Variants in METAP1D observed in about 807,000 individuals in gnomAD.
METAP1D encodes methionine aminopeptidase 1D, mitochondrial.
A neutral mutation model predicts 40.5 loss-of-function variants in METAP1D; 31 were observed. The ratio of observed to expected loss-of-function variants is 0.77; its 90% CI spans 0.58 to 1.03. METAP1D has a LOEUF of 1.03. Ranked by LOEUF, METAP1D falls within the 50% of genes least tolerant of loss-of-function variation. METAP1D has a pLI of 0.00. For missense variants in METAP1D, 411 were observed against 420.7 expected, an observed-to-expected ratio of 0.98 and a Z score of 0.20; for synonymous variants, 151 against 146.4, an observed-to-expected ratio of 1.03 and a Z score of -0.22.
At chr2:172,075,209 A>G (rs758439857) in intron 6 of METAP1D, among the ~76,000 whole-genome samples, 5 of 152,230 alleles carry the variant, frequency 3.3e-5, no homozygotes, top group Non-Finnish European at 5.9e-5. Flanking sequence ...ATTCCATATA[A>G]AAGGCCTCAA....
chr2:172,037,072 C>A (rs1013003373), intron 1 of METAP1D, among the ~76,000 whole-genome samples: 1 of 152,070 alleles, frequency 6.6e-6, no homozygotes. Context: ...CCAGCCTGAC[C>A]AACATGGAGA....
At chr2:172,029,387 C>T (rs757579056) in intron 1 of METAP1D, among the ~76,000 whole-genome samples, 1 of 152,236 alleles carries the variant, frequency 6.6e-6, no homozygotes, top group Non-Finnish European at 1.5e-5. Flanking sequence ...CACACCACTG[C>T]ACTCCAGCAT....
rs1423385508 is a variant in METAP1D, at chr2:172,082,400, T to C, written c.*1994T>C. ...TGGAGGTATTTATGGGACAAGTTTA[T>C]AATTCCATTTATTAAAGGGACTAAC... On this transcript the variant is annotated 3_prime_UTR_variant, in exon 10 of 10. Transcript: ENST00000315796. 1.3e-5 allele frequency: 2 copies of C among 152,288 alleles called. No homozygotes were observed. The highest frequency in any genetic ancestry group is 2.9e-5 in the Non-Finnish European group (2 of 68,070). 9.4% of individuals were successfully genotyped at this position (152,288 alleles called of 1,614,324 possible). A position where few individuals can be genotyped will look rare whatever the true frequency, so the allele number is the denominator to read the frequency against.
At chr2:172,076,737 A>G (rs1690555409) in intron 6 of METAP1D, among the ~76,000 whole-genome samples, 1 of 152,268 alleles carries the variant, frequency 6.6e-6, no homozygotes, top group South Asian at 2.1e-4. Flanking sequence ...CTGTGGGTTC[A>G]TGTTAAACTA....
Position 172,061,523 on chromosome 2 carries a change from A to G in METAP1D, c.66A>G (p.Pro22=). ...GTTCTCATAGAATTTTCTCTTCACC[A>G]CTCAATCATATCTACTTACACAAGC... The part of the protein sequence containing the change: ...RRGSHRIFSS[P]LNHIYLHKQS... Residue 22 remains proline, a synonymous_variant, in exon 2 of 10, where the codon CCA becomes CCG. Transcript: ENST00000315796. 1.2e-6 allele frequency: 2 copies of G among 1,612,740 alleles called. No homozygotes were observed. Among genetic ancestry groups the G allele is most frequent in the Non-Finnish European group, 8.5e-7 (1 of 1,179,646 alleles).
rs1465056245 is a variant in METAP1D, at chr2:172,082,055, A to C, written c.*1649A>C. ...ACTGGAAAAGACCAAGGAGGGGTTG[A>C]TGATTTACAAGGTCCATAGAAAAAC... On this transcript the variant is annotated 3_prime_UTR_variant, in exon 10 of 10. Coordinates refer to ENST00000315796, the MANE Select transcript of METAP1D (RefSeq NM_199227.3). The C allele has an allele frequency of 6.6e-6, 1 of 152,268 alleles. No individual in the cohort carries two copies. Among genetic ancestry groups the C allele is most frequent in the Non-Finnish European group, 1.5e-5 (1 of 68,122 alleles). The allele number at this position is 152,268 out of a possible 1,614,324, so 9.4% of individuals were successfully genotyped here.
At position 172,080,616 on chromosome 2, in the gene METAP1D, C is replaced by A; in HGVS notation, c.*210C>A. On this transcript the variant is annotated 3_prime_UTR_variant, in exon 10 of 10. Coordinates refer to ENST00000315796, the MANE Select transcript of METAP1D (RefSeq NM_199227.3). ...CTGGGGTCGCGCGGCTTTGGAAAAA[C>A]AAATCCTGGCCCTGGACTCGGTTTC... is the stretch of plus-strand genomic sequence containing the variant. 4.9e-6 allele frequency: 3 copies of A among 614,034 alleles called. No homozygotes were observed. The highest frequency in any genetic ancestry group is 2.7e-5 in the East Asian group (1 of 36,422). The allele number at this position is 614,034 out of a possible 1,614,324, so 38.0% of individuals were successfully genotyped here.
chr2:172,007,124 T>A (rs1449270384), intron 1 of METAP1D, among the ~76,000 whole-genome samples: 3 of 148,618 alleles, frequency 2.0e-5, no homozygotes, highest in African/African-American at 5.1e-5. Context: ...TTTTTTTTTT[T>A]ATTGTACATT....
At chr2:172,023,857 C>CT (rs11355201) in intron 1 of METAP1D, among the ~76,000 whole-genome samples, 63,990 of 139,028 alleles carry the variant, frequency 0.46, 15,031 homozygotes, top group Admixed American at 0.54. Context: ...CTGTAAAATT[C>CT]TTTTTTTTTT....
intron 1 of METAP1D, among the ~76,000 whole-genome samples, chr2:172,006,703 C>T (rs1688594597): frequency 6.6e-6 from 1 of 152,134 alleles, no homozygotes; most frequent in Non-Finnish European, 1.5e-5. Flanking sequence ...GACAGTTAAA[C>T]ATAATGCAAA....
chr2:172,003,801 G>A (rs1012356947), intron 1 of METAP1D, among the ~76,000 whole-genome samples: 3 of 151,876 alleles, frequency 2.0e-5, no homozygotes, highest in Admixed American at 6.6e-5. Flanking sequence ...GTCTCGCCCT[G>A]TAGCACAGGG....
rs375024608 is a variant in METAP1D at position 172,080,325 on chromosome 2, C to T, written c.930-3C>T. 6.2e-6 allele frequency: 10 copies of T among 1,614,004 alleles called. No individual in the cohort carries two copies. The highest frequency in any genetic ancestry group is 6.8e-6 in the Non-Finnish European group (8 of 1,179,960). On this transcript the variant is annotated splice_polypyrimidine_tract_variant and splice_region_variant and intron_variant, in intron 9 of 9. Transcript: ENST00000315796. ...GTTCTGACGGCTGGGTGCTGTGTTACAGGTCGGCGCAGTTCGAGCACACGG... is the reference window on the plus strand; with the variant it reads ...GTTCTGACGGCTGGGTGCTGTGTTATAGGTCGGCGCAGTTCGAGCACACGG...
In METAP1D at chr2:172,065,630, T is replaced by G; in HGVS notation, c.375T>G (p.Asp125Glu). 6.2e-7 allele frequency: 1 copy of G among 1,613,892 alleles called. No individual in the cohort carries two copies. The highest frequency in any genetic ancestry group is 8.5e-7 in the Non-Finnish European group (1 of 1,179,888). The part of the protein sequence containing the change: ...LKVDMTTEEI[D>E]ALVHREIISH... ...TTGACATGACAACTGAAGAGATAGA[T>G]GCTCTTGTTCATCGGGAAATCATCA... Residue 125 changes from aspartate to glutamate, a missense_variant, in exon 4 of 10, where the codon GAT (aspartate) becomes GAG (glutamate). Transcript: ENST00000315796.
chr2:172,079,682 T>G (rs1690652325), intron 8 of METAP1D, among the ~76,000 whole-genome samples: 1 of 152,204 alleles, frequency 6.6e-6, no homozygotes, highest in Non-Finnish European at 1.5e-5. Flanking sequence ...ACATCCTGTT[T>G]CTGACTGTGG....
intron 1 of METAP1D, among the ~76,000 whole-genome samples, chr2:172,011,287 T>TC (rs1218852240): frequency 6.8e-6 from 1 of 146,248 alleles, no homozygotes; most frequent in Non-Finnish European, 1.5e-5. Context: ...TTCTGTTTCT[T>TC]TTTTTTTTTT....
intron 1 of METAP1D, among the ~76,000 whole-genome samples, chr2:172,026,804 G>A (rs1261257704): frequency 2.0e-5 from 3 of 152,124 alleles, no homozygotes; most frequent in Non-Finnish European, 2.9e-5. Flanking sequence ...GTAAGTTGAC[G>A]AGGTGCAAGT....
chr2:172,024,900 C>A (rs1477063390), intron 1 of METAP1D, among the ~76,000 whole-genome samples: 1 of 152,068 alleles, frequency 6.6e-6, no homozygotes, highest in Non-Finnish European at 1.5e-5. Context: ...TCAGTTGATG[C>A]TTGAGCAGTA....
intron 1 of METAP1D, among the ~76,000 whole-genome samples, chr2:172,002,898 T>G (rs1333375262): frequency 6.6e-6 from 1 of 152,218 alleles, no homozygotes; most frequent in Non-Finnish European, 1.5e-5. Flanking sequence ...ATGAGGTTTC[T>G]CTTGTGACGC....
At chr2:172,019,662 G>T (rs955433695) in intron 1 of METAP1D, among the ~76,000 whole-genome samples, 1 of 152,052 alleles carries the variant, frequency 6.6e-6, no homozygotes, top group Non-Finnish European at 1.5e-5. Flanking sequence ...GGCCTCTTCC[G>T]TCAAGCCTTA....
Sources: gnomAD v4.1 joint callset for allele counts (sites outside exome capture counted in the v4.1 genomes callset) on GRCh38, gnomAD v4.1.1 for gene constraint, MANE v1.5 for transcripts, NCBI Gene and HGNC (gene_info 2026-07-23, HGNC 2026-07-21) for gene names.